Variants in PRKCB observed in about 807,000 individuals in gnomAD.
The protein encoded by PRKCB is protein kinase C beta.
In PRKCB, 13 loss-of-function variants were observed where a neutral mutation model predicts 81.5. That is an observed-to-expected ratio of 0.16 (90% CI 0.10 to 0.25). PRKCB has a LOEUF of 0.25. PRKCB is among the 10% of genes least tolerant of loss of function. PRKCB has a pLI of 1.00. For synonymous variants in PRKCB, 335 were observed against 321.4 expected, an observed-to-expected ratio of 1.04 and a Z score of -0.45; for missense variants, 509 against 875.7, an observed-to-expected ratio of 0.58 and a Z score of 5.29.
intron 2 of PRKCB, among the ~76,000 whole-genome samples, chr16:23,891,708 G>C (rs779473896): frequency 3.8e-4 from 58 of 152,160 alleles, no homozygotes; most frequent in Non-Finnish European, 6.5e-4. Context: ...TATCATATCA[G>C]CTCTACATCC....
intron 3 of PRKCB, among the ~76,000 whole-genome samples, chr16:24,011,261 GA>G (rs1483785423): frequency 7.9e-5 from 12 of 152,092 alleles, no homozygotes; most frequent in African/African-American, 2.9e-4. Context: ...TCTATCTATT[GA>G]AAAGCATTTC....
chr16:23,981,627 CTTTT>C (rs200473289), intron 2 of PRKCB, among the ~76,000 whole-genome samples: 4 of 143,408 alleles, frequency 2.8e-5, no homozygotes, highest in Middle Eastern at 7.0e-3. Context: ...TTTCCCTTCC[CTTTT>C]TTCCCTTTCT....
At chr16:24,092,175 T>C (rs1966384293) in intron 5 of PRKCB, among the ~76,000 whole-genome samples, 3 of 152,282 alleles carry the variant, frequency 2.0e-5, no homozygotes, top group South Asian at 4.1e-4. Flanking sequence ...CACTCCCCAT[T>C]TCCCTTTCCC....
intron 5 of PRKCB, among the ~76,000 whole-genome samples, chr16:24,060,856 G>A (rs954336840): frequency 6.6e-6 from 1 of 152,184 alleles, no homozygotes; most frequent in African/African-American, 2.4e-5. Context: ...ATTCCTTGCA[G>A]GAGTTCCTCC....
intron 3 of PRKCB, among the ~76,000 whole-genome samples, chr16:23,989,956 C>T (rs1964858580): frequency 6.6e-6 from 1 of 152,120 alleles, no homozygotes; most frequent in African/African-American, 2.4e-5. Flanking sequence ...AGAGAGACAT[C>T]CCTTCCCTTG....
At chr16:23,993,791 G>A (rs1964920652) in intron 3 of PRKCB, among the ~76,000 whole-genome samples, 1 of 152,178 alleles carries the variant, frequency 6.6e-6, no homozygotes, top group South Asian at 2.1e-4. Context: ...ACAACAATCG[G>A]AATAGCCTGA....
At chr16:24,190,370 T>C (rs1219866371) in intron 15 of PRKCB, among the ~76,000 whole-genome samples, 2 of 152,150 alleles carry the variant, frequency 1.3e-5, no homozygotes, top group Non-Finnish European at 2.9e-5. Context: ...TTTCTTGTTG[T>C]GGGAGGAGGG....
At chr16:23,856,749 T>A (rs1204962161) in intron 2 of PRKCB, among the ~76,000 whole-genome samples, 1 of 152,160 alleles carries the variant, frequency 6.6e-6, no homozygotes, top group Non-Finnish European at 1.5e-5. Context: ...GGTCTCAAAC[T>A]CCTGAGCTCA....
intron 2 of PRKCB, among the ~76,000 whole-genome samples, chr16:23,929,685 A>G (rs1963945324): frequency 6.6e-6 from 1 of 152,142 alleles, no homozygotes; most frequent in Non-Finnish European, 1.5e-5. Flanking sequence ...CTGGCATGTA[A>G]TGGATGCTGG....
intron 3 of PRKCB, among the ~76,000 whole-genome samples, chr16:24,029,417 C>A (rs1183983855): frequency 1.3e-5 from 2 of 152,190 alleles, no homozygotes; most frequent in Non-Finnish European, 2.9e-5. Context: ...CTTTGCTCGG[C>A]ACTTCTCCTT....
intron 5 of PRKCB, among the ~76,000 whole-genome samples, chr16:24,076,624 A>G (rs1966180882): frequency 6.6e-6 from 1 of 152,214 alleles, no homozygotes; most frequent in Non-Finnish European, 1.5e-5. Context: ...ACAGAATTCA[A>G]TGAAGTGCAA....
At chr16:24,213,523 G>A (rs932504989) in intron 16 of PRKCB, among the ~76,000 whole-genome samples, 1 of 152,166 alleles carries the variant, frequency 6.6e-6, no homozygotes, top group Non-Finnish European at 1.5e-5. Context: ...ATTAAATAAG[G>A]TAATGCAAGT....
At chr16:24,008,252 T>C (rs547785378) in intron 3 of PRKCB, among the ~76,000 whole-genome samples, 2 of 152,342 alleles carry the variant, frequency 1.3e-5, no homozygotes, top group East Asian at 3.9e-4. Context: ...TCAAACTGCC[T>C]GGTAGACCTC....
rs1968254846 is a variant in PRKCB, at chr16:24,217,864, A to G, written c.*3048A>G. The G allele has an allele frequency of 1.0e-6, 1 of 985,358 alleles. No homozygotes were observed. Among genetic ancestry groups the G allele is most frequent in the Non-Finnish European group, 1.2e-6 (1 of 829,912 alleles). 61.0% of individuals were successfully genotyped at this position (985,358 alleles called of 1,614,324 possible). On this transcript the variant is annotated 3_prime_UTR_variant, in exon 17 of 17. Transcript: ENST00000643927. ...TTCTCAGACCTTTAGGGGCCCTAAC[A>G]CAGTTCAGTTCATACAGGGGTTCAA...
intron 10 of PRKCB, among the ~76,000 whole-genome samples, chr16:24,166,183 A>C (rs1967345279): frequency 6.6e-6 from 1 of 152,174 alleles, no homozygotes; most frequent in South Asian, 2.1e-4. Context: ...CACCCGGTCC[A>C]GATATGTACT....
intron 16 of PRKCB, among the ~76,000 whole-genome samples, chr16:24,192,301 T>C (rs1470063691): frequency 6.6e-6 from 1 of 152,230 alleles, no homozygotes; most frequent in African/African-American, 2.4e-5. Flanking sequence ...GTTAGCTGTG[T>C]CATACATTAA....
At chr16:24,002,850 A>G (rs906041388) in intron 3 of PRKCB, among the ~76,000 whole-genome samples, 1 of 151,996 alleles carries the variant, frequency 6.6e-6, no homozygotes, top group African/African-American at 2.4e-5. Flanking sequence ...TGCCCTTCCA[A>G]TCCACTCTGC....
At chr16:24,053,754 C>G (rs1055509375) in intron 5 of PRKCB, among the ~76,000 whole-genome samples, 2 of 152,058 alleles carry the variant, frequency 1.3e-5, no homozygotes, top group Non-Finnish European at 2.9e-5. Flanking sequence ...GGTGCAAAGG[C>G]CCTGTGGCAT....
At chr16:24,084,906 A>G (rs1476655507) in intron 5 of PRKCB, among the ~76,000 whole-genome samples, 5 of 152,146 alleles carry the variant, frequency 3.3e-5, no homozygotes, top group African/African-American at 1.2e-4. Flanking sequence ...ATATAGTGGC[A>G]TGAAGCCCCT....
Sources: gnomAD v4.1 joint callset for allele counts (sites outside exome capture counted in the v4.1 genomes callset) on GRCh38, gnomAD v4.1.1 for gene constraint, MANE v1.5 for transcripts, NCBI Gene and HGNC (gene_info 2026-07-23, HGNC 2026-07-21) for gene names.